The following COL12A1 variants were observed in gnomAD, a reference collection of about 807,000 sequenced individuals.
COL12A1 encodes the protein collagen alpha-1(XII) chain.
In COL12A1, 114 loss-of-function variants were observed where a neutral mutation model predicts 349.7. The ratio of observed to expected loss-of-function variants is 0.33; its 90% CI spans 0.28 to 0.38. COL12A1 has a LOEUF of 0.38. Ranked by LOEUF, COL12A1 falls within the 10% of genes least tolerant of loss-of-function variation. The pLI, the probability that COL12A1 is intolerant of heterozygous loss-of-function variation, is 1.00. For missense variants in COL12A1, 3,284 were observed against 3,756.9 expected (o/e 0.87, Z 3.29); for synonymous variants, 1,369 against 1,329.0 (o/e 1.03, Z -0.66).
intron 21 of COL12A1, among the ~76,000 whole-genome samples, chr6:75,149,976 G>A (rs1183309106): frequency 2.0e-5 from 3 of 152,090 alleles, no homozygotes; most frequent in Admixed American, 6.6e-5. Flanking sequence ...TTTCTCCAGG[G>A]AAAAGGTCAA....
chr6:75,159,467 T>C lies in COL12A1; in HGVS notation c.2984-2944A>G, dbSNP rs143367887. On this transcript the variant is annotated intron_variant, in intron 14 of 65. Coordinates refer to ENST00000322507, the MANE Select transcript of COL12A1 (RefSeq NM_004370.6). ...AATATATATTATATAAACATATATATGTATTTCCAAACAAAAAATCTAAAG... is the reference window on the plus strand; with the variant it reads ...AATATATATTATATAAACATATATACGTATTTCCAAACAAAAAATCTAAAG... Among the ~76,000 whole-genome samples the C allele has an allele frequency of 3.0e-3, 445 of 148,096 alleles. 2 individuals carry two copies. The highest frequency in any genetic ancestry group is 0.01 in the African/African-American group (428 of 40,920).
intron 54 of COL12A1, 91 bp downstream of exon 54, chr6:75,105,115 T>C (rs1768483449): frequency 9.7e-7 from 1 of 1,034,894 alleles, no homozygotes; most frequent in Non-Finnish European, 1.4e-6. Context: ...CTGGATGAAT[T>C]GAAGTATTTT....
chr6:75,167,298 C>T (rs1768359722), intron 13 of COL12A1, among the ~76,000 whole-genome samples: 1 of 152,038 alleles, frequency 6.6e-6, no homozygotes, highest in Non-Finnish European at 1.5e-5. Context: ...TTTAAATGTA[C>T]AGCACGTTTT....
intron 52 of COL12A1, among the ~76,000 whole-genome samples, chr6:75,106,784 G>T (rs1257580164): frequency 6.6e-6 from 1 of 151,640 alleles, no homozygotes; most frequent in South Asian, 2.1e-4. Context: ...AAAGTGAAAG[G>T]TGTATGTGAG....
intron 34 of COL12A1, among the ~76,000 whole-genome samples, chr6:75,132,833 C>T (rs556746408): frequency 8.5e-5 from 13 of 152,168 alleles, no homozygotes; most frequent in African/African-American, 2.2e-4. Context: ...ACAGTAAAAC[C>T]ACATAAACTG....
At chr6:75,097,417 C>T (rs1041942831) in intron 58 of COL12A1, 111 bp from the exon 59 acceptor site, 52 of 719,330 alleles carry the variant, frequency 7.2e-5, no homozygotes, top group Non-Finnish European at 1.1e-4. Flanking sequence ...TTTAGCCCAA[C>T]ATGCTGTTTG....
intron 28 of COL12A1, 45 bp from the exon 29 acceptor site, chr6:75,138,625 C>G: frequency 1.2e-6 from 2 of 1,606,466 alleles, no homozygotes; most frequent in Non-Finnish European, 8.5e-7. Context: ...AAGTAAGTCT[C>G]CACTTACATC....
intron 52 of COL12A1, among the ~76,000 whole-genome samples, chr6:75,107,614 A>G (rs1341284867): frequency 6.6e-6 from 1 of 152,192 alleles, no homozygotes; most frequent in Non-Finnish European, 1.5e-5. Context: ...AAGTAACATT[A>G]AAGTAAATTA....
intron 27 of COL12A1, among the ~76,000 whole-genome samples, chr6:75,139,294 A>C (rs1766776975): frequency 6.6e-6 from 1 of 152,200 alleles, no homozygotes; most frequent in Non-Finnish European, 1.5e-5. Flanking sequence ...GCCACATATC[A>C]GAGAGTTAAT....
chr6:75,103,665 T>C, intron 55 of COL12A1, 92 bp downstream of exon 55: 2 of 1,012,216 alleles, frequency 2.0e-6, no homozygotes, highest in Non-Finnish European at 3.1e-6. Context: ...TGAGCTGACT[T>C]GCTCAAGATC....
chr6:75,200,931 C>A, intron 2 of COL12A1, among the ~76,000 whole-genome samples: 1 of 147,382 alleles, frequency 6.8e-6, no homozygotes, highest in African/African-American at 2.5e-5. Context: ...CAAGAAAAGA[C>A]ACAGATTAAG....
At chr6:75,097,181 G>T in intron 59 of COL12A1, 72 bp downstream of exon 59, 1 of 1,284,108 alleles carries the variant, frequency 7.8e-7, no homozygotes, top group East Asian at 2.3e-5. Flanking sequence ...TGCTTCAAAG[G>T]CAGGTTACTA....
chr6:75,114,540 A>C (rs1388474336), intron 49 of COL12A1, among the ~76,000 whole-genome samples: 1 of 152,000 alleles, frequency 6.6e-6, no homozygotes, highest in Non-Finnish European at 1.5e-5. Context: ...ACATTTAATA[A>C]CACTTTCTCC....
At chr6:75,113,114 T>A in intron 51 of COL12A1, 90 bp downstream of exon 51, 1 of 623,178 alleles carries the variant, frequency 1.6e-6, no homozygotes, top group Non-Finnish European at 2.5e-6. Flanking sequence ...TAGTTATAAT[T>A]CTGCCAATTT....
rs1767461197 is a variant in COL12A1 at position 75,085,813 on chromosome 6, A to G, written c.*734T>C. 6.1e-6 allele frequency: 1 copy of G among 162,684 alleles called. No individual in the cohort carries two copies. Among genetic ancestry groups the G allele is most frequent in the Non-Finnish European group, 1.4e-5 (1 of 73,488 alleles). The allele number at this position is 162,684 out of a possible 1,614,324, so 10.1% of individuals were successfully genotyped here. On this transcript the variant is annotated 3_prime_UTR_variant, in exon 66 of 66. Transcript: ENST00000322507. Reference sequence around the variant, plus strand: ...AAGCAACTATCACCAGGTAATATACAGTACATGACATCTTCTGTGGCTGTA... The same window carrying G: ...AAGCAACTATCACCAGGTAATATACGGTACATGACATCTTCTGTGGCTGTA...
chr6:75,130,152 C>CCAT lies in COL12A1; in HGVS notation c.6146_6148dup (p.Asp2049dup). 6.2e-7 allele frequency: 1 copy of CCAT among 1,613,882 alleles called. No individual in the cohort carries two copies. Among genetic ancestry groups the CCAT allele is most frequent in the African/African-American group, 1.3e-5 (1 of 74,960 alleles). On this transcript the variant is annotated inframe_insertion, in exon 37 of 66. Coordinates refer to ENST00000322507, the MANE Select transcript of COL12A1 (RefSeq NM_004370.6). Reference sequence around the variant, plus strand: ...GATGATCCTGTACTGCTGAACTGGCCCATCAGCATGATCCCAGGCTACCGA... The same window carrying CCAT: ...GATGATCCTGTACTGCTGAACTGGCCCATCATCAGCATGATCCCAGGCTACCGA...
intron 47 of COL12A1, among the ~76,000 whole-genome samples, chr6:75,116,272 T>C (rs1417288298): frequency 6.6e-6 from 1 of 152,156 alleles, no homozygotes; most frequent in South Asian, 2.1e-4. Flanking sequence ...TTCCCTAACA[T>C]TCTCTAATCC....
intron 28 of COL12A1, 27 bp downstream of exon 28, chr6:75,138,795 G>A (rs1766751866): frequency 6.2e-7 from 1 of 1,612,310 alleles, no homozygotes; most frequent in Non-Finnish European, 8.5e-7. Context: ...ATGAAAGACA[G>A]AGAGAAAGAT....
intron 33 of COL12A1, 71 bp from the exon 34 acceptor site, chr6:75,133,493 C>T (rs1766418182): frequency 1.0e-5 from 15 of 1,459,622 alleles, no homozygotes; most frequent in Non-Finnish European, 1.3e-5. Flanking sequence ...TCAAATAACA[C>T]AATACCAACT....
Sources: gnomAD v4.1 joint callset for allele counts (sites outside exome capture counted in the v4.1 genomes callset) on GRCh38, gnomAD v4.1.1 for gene constraint, MANE v1.5 for transcripts, NCBI Gene and HGNC (gene_info 2026-07-23, HGNC 2026-07-21) for gene names.